ULK4: variants seen among roughly 807,000 people sequenced by gnomAD.
The protein encoded by ULK4 is unc-51 like kinase 4.
Under a neutral mutation model 160.6 loss-of-function variants are expected in ULK4, and 133 were observed. The ratio of observed to expected loss-of-function variants is 0.83; its 90% CI spans 0.72 to 0.96. The LOEUF is 0.96. ULK4 is among the 40% of genes least tolerant of loss of function. The pLI is 0.00. For synonymous variants in ULK4, 534 were observed against 539.8 expected, an observed-to-expected ratio of 0.99 and a Z score of 0.15; for missense variants, 1,580 against 1,499.5, an observed-to-expected ratio of 1.05 and a Z score of -0.89.
Position 41,854,718 on chromosome 3 carries a change from G to C in ULK4, c.1657-18747C>G, listed in dbSNP as rs191799861. On this transcript the variant is annotated intron_variant, in intron 17 of 36. Transcript: ENST00000301831. ...GAGCTCCCCAAGTAACCTAGAGAGA[G>C]GTTCCTTGAAACCCTTGCAAAGTGG... Among the ~76,000 whole-genome samples the C allele has an allele frequency of 2.0e-4, 30 of 152,116 alleles. 1 individual carries two copies. In the East Asian group the frequency reaches 5.2e-3, roughly 26 times the overall value.
intron 1 of ULK4, among the ~76,000 whole-genome samples, chr3:41,960,316 CCTCT>C (rs1465493579): frequency 2.6e-5 from 4 of 152,096 alleles, no homozygotes; most frequent in African/African-American, 4.8e-5. Context: ...AAGCATTTCT[CCTCT>C]CTAAGGCTGT....
chr3:41,423,666 A>G (rs966818138), intron 34 of ULK4, among the ~76,000 whole-genome samples: 1 of 152,048 alleles, frequency 6.6e-6, no homozygotes, highest in African/African-American at 2.4e-5. Context: ...TCCTGCACCA[A>G]AAACTGAGGT....
chr3:41,358,296 T>C (rs1379232980), intron 35 of ULK4, among the ~76,000 whole-genome samples: 1 of 152,034 alleles, frequency 6.6e-6, no homozygotes, highest in Non-Finnish European at 1.5e-5. Context: ...TATATAGCAA[T>C]GAGGATAAGA....
chr3:41,906,110 G>A (rs1402450983), intron 12 of ULK4, among the ~76,000 whole-genome samples: 4 of 151,310 alleles, frequency 2.6e-5, no homozygotes, highest in South Asian at 2.1e-4. Flanking sequence ...CCAGCTACTC[G>A]GGAGGCTGAG....
rs71616008 is a variant in ULK4, at chr3:41,469,602, C to CAAAAAAAAAAAAAAAA, written c.3227-6365_3227-6350dup. Among the ~76,000 whole-genome samples the CAAAAAAAAAAAAAAAA allele has an allele frequency of 9.2e-3, 104 of 11,318 alleles. 3 individuals are homozygous for CAAAAAAAAAAAAAAAA. The highest frequency in any genetic ancestry group is 0.015 in the South Asian group (3 of 196). The allele number at this position is 11,318 out of a possible 152,430, so 7.4% of individuals were successfully genotyped here. A position where few individuals can be genotyped will look rare whatever the true frequency, so the allele number is the denominator to read the frequency against. ...TGAAAGAGTGAAGGCCTACACCTGC[C>CAAAAAAAAAAAAAAAA]AAAAAAAAAAAAAAAAAAAAAAAAA... On this transcript the variant is annotated intron_variant, in intron 32 of 36. Coordinates refer to ENST00000301831, the MANE Select transcript of ULK4 (RefSeq NM_017886.4).
At chr3:41,537,314 A>C (rs150978026) in intron 32 of ULK4, among the ~76,000 whole-genome samples, 1 of 152,122 alleles carries the variant, frequency 6.6e-6, no homozygotes, top group Non-Finnish European at 1.5e-5. Context: ...TTCAGGCTTG[A>C]TAGCTTTTAT....
intron 18 of ULK4, among the ~76,000 whole-genome samples, chr3:41,824,920 G>A (rs1214396551): frequency 6.6e-6 from 1 of 152,202 alleles, no homozygotes; most frequent in South Asian, 2.1e-4. Flanking sequence ...CCCCCAGTAG[G>A]GGCAGACTGA....
At chr3:41,882,050 C>T in intron 17 of ULK4, 1 of 600,524 alleles carries the variant, frequency 1.7e-6, no homozygotes, top group Admixed American at 2.8e-5. Flanking sequence ...GGGTGACCAA[C>T]AGGTCCCAGG....
At chr3:41,895,645 TA>T in intron 15 of ULK4, 81 bp from the exon 16 acceptor site, 1 of 864,292 alleles carries the variant, frequency 1.2e-6, no homozygotes, top group Non-Finnish European at 1.7e-6. Flanking sequence ...ACAGCAAAGT[TA>T]ACAGCTCAGG....
chr3:41,714,600 G>A (rs549336131), intron 25 of ULK4, among the ~76,000 whole-genome samples: 3 of 152,138 alleles, frequency 2.0e-5, no homozygotes, highest in Middle Eastern at 3.4e-3. Flanking sequence ...CATAATTCAT[G>A]AGCTAAACAA....
intron 32 of ULK4, among the ~76,000 whole-genome samples, chr3:41,556,837 T>C (rs187468633): frequency 5.6e-4 from 85 of 151,832 alleles, no homozygotes; most frequent in African/African-American, 1.9e-3. Flanking sequence ...TTTCGAGAAA[T>C]ACAGAAAGAG....
chr3:41,852,112 T>C (rs992566274), intron 17 of ULK4, among the ~76,000 whole-genome samples: 1 of 152,172 alleles, frequency 6.6e-6, no homozygotes, highest in African/African-American at 2.4e-5. Context: ...TAAATACCTC[T>C]ACGCAAATAA....
chr3:41,391,156 G>C (rs1362111425), intron 35 of ULK4, among the ~76,000 whole-genome samples: 1 of 152,000 alleles, frequency 6.6e-6, no homozygotes, highest in East Asian at 1.9e-4. Flanking sequence ...CATTCAAAAA[G>C]TTCCCAAATT....
intron 32 of ULK4, among the ~76,000 whole-genome samples, chr3:41,495,608 C>T (rs1247891029): frequency 6.6e-6 from 1 of 150,382 alleles, no homozygotes. Flanking sequence ...AGCTTCTGCA[C>T]AGCAAAAGAA....
At chr3:41,646,615 T>A (rs951130040) in intron 30 of ULK4, among the ~76,000 whole-genome samples, 1 of 152,228 alleles carries the variant, frequency 6.6e-6, no homozygotes, top group African/African-American at 2.4e-5. Context: ...TCTCTATGGC[T>A]GCCCTTAACA....
chr3:41,451,279 G>C (rs1256791100), intron 34 of ULK4, among the ~76,000 whole-genome samples: 2 of 151,922 alleles, frequency 1.3e-5, no homozygotes, highest in Non-Finnish European at 2.9e-5. Context: ...AAACACAAGG[G>C]AGGATGTCTA....
intron 34 of ULK4, among the ~76,000 whole-genome samples, chr3:41,420,239 CTTTAAA>C (rs946586029): frequency 5.3e-5 from 8 of 151,790 alleles, no homozygotes; most frequent in African/African-American, 1.9e-4. Flanking sequence ...ATTATAATTA[CTTTAAA>C]TTTATATTTT....
intron 17 of ULK4, among the ~76,000 whole-genome samples, chr3:41,877,284 T>G (rs1185952489): frequency 6.6e-6 from 1 of 151,202 alleles, no homozygotes; most frequent in Middle Eastern, 3.4e-3. Context: ...TTTAAACTAT[T>G]CTAAACTCTA....
At chr3:41,708,225 A>G (rs1369429749) in intron 25 of ULK4, among the ~76,000 whole-genome samples, 1 of 152,094 alleles carries the variant, frequency 6.6e-6, no homozygotes, top group Non-Finnish European at 1.5e-5. Context: ...TGTTGAAGAA[A>G]TATCTGCACT....
Sources: gnomAD v4.1 joint callset for allele counts (sites outside exome capture counted in the v4.1 genomes callset) on GRCh38, gnomAD v4.1.1 for gene constraint, MANE v1.5 for transcripts, NCBI Gene and HGNC (gene_info 2026-07-23, HGNC 2026-07-21) for gene names.